The following KPNB1 variants were observed in gnomAD, a reference collection of about 807,000 sequenced individuals.
KPNB1 encodes karyopherin subunit beta 1, also known as importin subunit beta-1.
Under a neutral mutation model 113.0 loss-of-function variants are expected in KPNB1, and 7 were observed. That is an observed-to-expected ratio of 0.06 (90% CI 0.04 to 0.12). The LOEUF is 0.12. Ranked by LOEUF, KPNB1 falls within the 10% of genes least tolerant of loss-of-function variation. KPNB1 has a pLI of 1.00. For missense variants in KPNB1, 400 were observed against 1,054.8 expected (o/e 0.38, Z 8.60); for synonymous variants, 363 against 378.6 (o/e 0.96, Z 0.48).
chr17:47,667,979 T>C (rs192673124), intron 9 of KPNB1, among the ~76,000 whole-genome samples: 79 of 152,358 alleles, frequency 5.2e-4, no homozygotes, highest in Non-Finnish European at 9.6e-4. Flanking sequence ...TGTTGTGTAG[T>C]ACTAAATGGA....
intron 15 of KPNB1, among the ~76,000 whole-genome samples, chr17:47,675,374 T>TTTTTTTTTTTTTTA (rs2030579568): frequency 8.7e-6 from 1 of 114,288 alleles, no homozygotes; most frequent in East Asian, 2.8e-4. Context: ...TTTTTTTTGT[T>TTTTTTTTTTTTTTA]TTTTTTTTTT....
In KPNB1 at chr17:47,668,320, A is replaced by G. The variant is rs2030352333; in HGVS notation, c.1134A>G (p.Pro378=). ...TCATTAAAGAACACATCAAGAACCC[A>G]GATTGGCGGTACCGGGATGCAGCAG... ...LPFIKEHIKN[P]DWRYRDAAVM... The change falls in exon 10 of 22, where the codon CCA becomes CCG. Residue 378 remains proline (P), a synonymous_variant. Coordinates refer to ENST00000290158, the MANE Select transcript of KPNB1 (RefSeq NM_002265.6). 1.2e-6 allele frequency: 2 copies of G among 1,614,138 alleles called. No homozygotes were observed. The highest frequency in any genetic ancestry group is 1.7e-6 in the Non-Finnish European group (2 of 1,180,024).
intron 20 of KPNB1, 83 bp from the exon 21 acceptor site, chr17:47,680,425 C>A: frequency 6.8e-7 from 1 of 1,467,192 alleles, no homozygotes; most frequent in Non-Finnish European, 9.3e-7. Flanking sequence ...GCTAAGAAAC[C>A]CATAGCACTG....
chr17:47,650,390 G>T lies in KPNB1; in HGVS notation c.45G>T (p.Arg15=), dbSNP rs768300177. 3 of 1,611,008 alleles carry T rather than the reference G, an allele frequency of 1.9e-6. No homozygotes were observed. Among genetic ancestry groups the T allele is most frequent in the Non-Finnish European group, 2.5e-6 (3 of 1,179,364 alleles). The change falls in exon 2 of 22, where the codon CGG becomes CGT. Residue 15 remains arginine (R), a synonymous_variant. Coordinates refer to ENST00000290158, the MANE Select transcript of KPNB1 (RefSeq NM_002265.6). ...CTCCCACTTTCCTCCCCCTAGATCGGCTGGAGCTGGAAGCGGCGCAGAAGT... is the reference window on the plus strand; with the variant it reads ...CTCCCACTTTCCTCCCCCTAGATCGTCTGGAGCTGGAAGCGGCGCAGAAGT... ...TILEKTVSPD[R]LELEAAQKFL... is the part of the protein sequence containing the mutation.
intron 9 of KPNB1, 77 bp downstream of exon 9, chr17:47,665,235 G>A (rs1178533744): frequency 2.7e-6 from 3 of 1,113,118 alleles, no homozygotes; most frequent in Non-Finnish European, 4.1e-6. Context: ...TTCCATGGAA[G>A]GAACTTCGCA....
At chr17:47,656,561 C>T (rs1400167264) in intron 3 of KPNB1, among the ~76,000 whole-genome samples, 1 of 146,100 alleles carries the variant, frequency 6.8e-6, no homozygotes, top group Non-Finnish European at 1.5e-5. Context: ...TTTTTTGAGC[C>T]TGGGCAATAT....
chr17:47,654,568 A>G (rs961257718), intron 3 of KPNB1, among the ~76,000 whole-genome samples: 1 of 152,090 alleles, frequency 6.6e-6, no homozygotes, highest in African/African-American at 2.4e-5. Flanking sequence ...CTTTTTTGAA[A>G]TCTGGATATT....
chr17:47,678,003 A>T, intron 17 of KPNB1, 43 bp from the exon 18 acceptor site: 1 of 1,588,014 alleles, frequency 6.3e-7, no homozygotes, highest in South Asian at 1.1e-5. Flanking sequence ...TTTGGACCAA[A>T]CAAGTTTTGA....
At chr17:47,672,485 G>A (rs890256158) in intron 12 of KPNB1, among the ~76,000 whole-genome samples, 1 of 151,886 alleles carries the variant, frequency 6.6e-6, no homozygotes, top group African/African-American at 2.4e-5. Flanking sequence ...CCACCTCCCA[G>A]GTTCAAGGAA....
At chr17:47,677,847 CAT>C (rs573835920) in intron 17 of KPNB1, among the ~76,000 whole-genome samples, 197 bp from the exon 18 acceptor site, 2 of 152,160 alleles carry the variant, frequency 1.3e-5, no homozygotes, top group South Asian at 2.1e-4. Flanking sequence ...TCAGTCTCCT[CAT>C]GTGTAAAGTG....
intron 21 of KPNB1, among the ~76,000 whole-genome samples, 189 bp from the exon 22 acceptor site, chr17:47,682,215 C>T (rs755861995): frequency 6.6e-6 from 1 of 152,216 alleles, no homozygotes; most frequent in Non-Finnish European, 1.5e-5. Context: ...GTTTCCCTCG[C>T]ACCCTCTGAT....
chr17:47,652,132 C>A (rs956272126), intron 2 of KPNB1, among the ~76,000 whole-genome samples: 1 of 152,116 alleles, frequency 6.6e-6, no homozygotes, highest in African/African-American at 2.4e-5. Flanking sequence ...TTAGGCTTAT[C>A]TGTATTTCCC....
At chr17:47,677,169 AG>A in intron 17 of KPNB1, 42 bp downstream of exon 17, 1 of 1,391,594 alleles carries the variant, frequency 7.2e-7, no homozygotes, top group Non-Finnish European at 1.0e-6. Flanking sequence ...TCTTCTTTGA[AG>A]AAAACAACAG....
chr17:47,652,504 C>T (rs1915608706), intron 2 of KPNB1, among the ~76,000 whole-genome samples, 190 bp from the exon 3 acceptor site: 1 of 152,062 alleles, frequency 6.6e-6, no homozygotes, highest in East Asian at 1.9e-4. Flanking sequence ...TCCTGTTACA[C>T]TAAGTAACAT....
At position 47,668,197 on chromosome 17, in the gene KPNB1, T is replaced by C. The variant is rs369246693; in HGVS notation, c.1011T>C (p.Asp337=). 16 of 1,613,386 alleles carry C rather than the reference T, an allele frequency of 9.9e-6. No homozygotes were observed. In the African/African-American group the frequency reaches 2.1e-4, roughly 22 times the overall value. ...TQTLTKQDEN[D]DDDDWNPCKA... ...TATTCTTTCACCAGGACGAAAATGA[T>C]GATGACGATGACTGGAACCCCTGCA... The change falls in exon 10 of 22, where the codon GAT becomes GAC. Residue 337 remains aspartate (D), a synonymous_variant. Coordinates refer to ENST00000290158, the MANE Select transcript of KPNB1 (RefSeq NM_002265.6).
rs146569175 is a variant in KPNB1, at chr17:47,667,407, A to C, written c.1000-779A>C. Among the ~76,000 whole-genome samples, 1,029 of 152,128 alleles carry C rather than the reference A, an allele frequency of 6.8e-3. 45 individuals carry two copies. The highest frequency in any genetic ancestry group is 0.06 in the Admixed American group (911 of 15,268). ...CTCCTAAAGTGCTGGGATTACAGGC[A>C]TGAGCCACTGCACTGCACCTTGCCT... On this transcript the variant is annotated intron_variant, in intron 9 of 21. Transcript: ENST00000290158.
chr17:47,682,808 T>G lies in KPNB1; in HGVS notation c.*404T>G. ...GGGACTGGGTTCAGCTGTGGTGCTT[T>G]GTTGTAAAAGGCAGCCTGGCCTTTG... On this transcript the variant is annotated 3_prime_UTR_variant, in exon 22 of 22. Transcript: ENST00000290158. The G allele has an allele frequency of 4.5e-6, 1 of 223,620 alleles. No individual in the cohort carries two copies. The highest frequency in any genetic ancestry group is 9.0e-6 in the Non-Finnish European group (1 of 111,150). The allele number at this position is 223,620 out of a possible 1,614,324, so 13.9% of individuals were successfully genotyped here.
intron 2 of KPNB1, among the ~76,000 whole-genome samples, chr17:47,652,096 C>G (rs1048348147): frequency 1.3e-5 from 2 of 152,028 alleles, no homozygotes; most frequent in East Asian, 3.8e-4. Flanking sequence ...ACAAATAAAA[C>G]GGAGGATGAG....
chr17:47,650,433 G>A lies in KPNB1; in HGVS notation c.88G>A (p.Val30Met), dbSNP rs1193943232. 8 of 1,605,500 alleles carry A rather than the reference G, an allele frequency of 5.0e-6. No individual in the cohort carries two copies. The highest frequency in any genetic ancestry group is 1.1e-5 in the South Asian group (1 of 90,260). The change falls in exon 2 of 22, where the codon GTG becomes ATG. Residue 30 changes from valine (V) to methionine (M), a missense_variant. Around this residue, in one of 2 missense-constraint regions of KPNB1, gnomAD observed 285 missense variants for 627.0 expected, o/e 0.45. Transcript: ENST00000290158. Reference protein sequence around the residue: ...AAQKFLERAAVENLPTFLVEL... With the variant: ...AAQKFLERAAMENLPTFLVEL... ...GCAGAAGTTCCTGGAGCGTGCGGCC[G>A]TGGAGAACCTGGTGCGTGCTACCCC... is the stretch of plus-strand genomic sequence containing the variant.
Sources: gnomAD v4.1 joint callset for allele counts (sites outside exome capture counted in the v4.1 genomes callset) on GRCh38, gnomAD v4.1.1 for gene constraint, gnomAD v4.1.1 regional missense constraint, MANE v1.5 for transcripts, NCBI Gene and HGNC (gene_info 2026-07-23, HGNC 2026-07-21) for gene names.